The following SH3PXD2A variants were observed in gnomAD, a reference collection of about 807,000 sequenced individuals.
The protein encoded by SH3PXD2A is SH3 and PX domains 2A.
A neutral mutation model predicts 115.2 loss-of-function variants in SH3PXD2A; 32 were observed. That is an observed-to-expected ratio of 0.28 (90% CI 0.21 to 0.37). SH3PXD2A has a LOEUF of 0.37. Among genes scored for constraint, SH3PXD2A ranks in the 10% least tolerant of loss-of-function variants. The pLI, the probability that SH3PXD2A is intolerant of heterozygous loss-of-function variation, is 1.00. For synonymous variants in SH3PXD2A, 610 were observed against 629.1 expected (o/e 0.97, Z 0.45); for missense variants, 1,328 against 1,498.7 (o/e 0.89, Z 1.88).
chr10:103,696,169 G>A (rs2037821986), intron 5 of SH3PXD2A, among the ~76,000 whole-genome samples: 1 of 152,226 alleles, frequency 6.6e-6, no homozygotes. Flanking sequence ...GTGACTGAAT[G>A]GTGGGAACGA....
At chr10:103,804,882 A>T (rs913736169) in intron 1 of SH3PXD2A, among the ~76,000 whole-genome samples, 2 of 151,352 alleles carry the variant, frequency 1.3e-5, no homozygotes, top group Non-Finnish European at 1.5e-5. Context: ...CCCCCTGCTG[A>T]CTCCTAGCTC....
chr10:103,661,920 T>C, intron 7 of SH3PXD2A: 1 of 984,700 alleles, frequency 1.0e-6, no homozygotes, highest in African/African-American at 1.8e-5. Context: ...CCCGCCAACT[T>C]TTCCTCAAGT....
intron 6 of SH3PXD2A, among the ~76,000 whole-genome samples, chr10:103,682,680 C>CT (rs1437267744): frequency 6.6e-6 from 1 of 151,876 alleles, no homozygotes; most frequent in Non-Finnish European, 1.5e-5. Context: ...TTGCTTGAAC[C>CT]TGGGAGGCAG....
chr10:103,719,324 A>C (rs967993645), intron 5 of SH3PXD2A, among the ~76,000 whole-genome samples: 1 of 152,228 alleles, frequency 6.6e-6, no homozygotes, highest in Non-Finnish European at 1.5e-5. Context: ...CTGTGGTTAG[A>C]ACCGTAGGTC....
At chr10:103,608,150 T>TTAAA (rs2036356171) in intron 13 of SH3PXD2A, among the ~76,000 whole-genome samples, 1 of 32,670 alleles carries the variant, frequency 3.1e-5, no homozygotes, top group Non-Finnish European at 4.5e-5. Context: ...ATGATCAATT[T>TTAAA]AAAAAAAAAA....
rs1016832441 is a variant in SH3PXD2A, at chr10:103,597,818, G to A, written c.*3998C>T. 6 of 152,602 alleles carry A rather than the reference G, an allele frequency of 3.9e-5. No individual in the cohort carries two copies. Among genetic ancestry groups the A allele is most frequent in the Non-Finnish European group, 8.8e-5 (6 of 68,044 alleles). 9.5% of individuals were successfully genotyped at this position (152,602 alleles called of 1,614,324 possible). On this transcript the variant is annotated 3_prime_UTR_variant, in exon 15 of 15. Coordinates refer to ENST00000369774, the MANE Select transcript of SH3PXD2A (RefSeq NM_001394015.1). ...AGAATGCAAGGTATTTGGAGGGGTA[G>A]GGGAAGTGAGTAACCTTAAAGAAAT...
intron 6 of SH3PXD2A, among the ~76,000 whole-genome samples, chr10:103,689,047 T>A (rs1442273460): frequency 6.6e-6 from 1 of 152,104 alleles, no homozygotes; most frequent in East Asian, 1.9e-4. Flanking sequence ...ATTATTTTTA[T>A]TTTTTTGGTA....
intron 8 of SH3PXD2A, among the ~76,000 whole-genome samples, chr10:103,643,992 G>A (rs1398967817): frequency 6.6e-6 from 1 of 151,922 alleles, no homozygotes; most frequent in Admixed American, 6.6e-5. Context: ...GCCTCCACCT[G>A]TAGTCCCAGC....
At position 103,797,653 on chromosome 10, in the gene SH3PXD2A, T is replaced by A. The variant is rs1023016551; in HGVS notation, c.153+3629A>T. 7.1e-5 allele frequency among the ~76,000 whole-genome samples: 10 copies of A among 141,042 alleles called. No homozygotes were observed. In the Middle Eastern group the frequency reaches 0.011, roughly 156 times the overall value. 92.5% of individuals were successfully genotyped at this position (141,042 alleles called of 152,430 possible). On this transcript the variant is annotated intron_variant, in intron 2 of 14. Transcript: ENST00000369774. Reference sequence around the variant, plus strand: ...GGGCTTCACATGCAGGGCAGTTAGGTCCAGGCAGGAGCTTTGAAGATAATA... The same window carrying A: ...GGGCTTCACATGCAGGGCAGTTAGGACCAGGCAGGAGCTTTGAAGATAATA...
intron 1 of SH3PXD2A, among the ~76,000 whole-genome samples, chr10:103,836,682 T>TACACAC (rs55855121): frequency 0.47 from 69,659 of 148,628 alleles, 16,800 homozygotes; most frequent in Non-Finnish European, 0.54. Context: ...CACAGACATG[T>TACACAC]ACACACACAC....
At chr10:103,636,465 CAGAG>C (rs1270213255) in intron 8 of SH3PXD2A, among the ~76,000 whole-genome samples, 5 of 150,658 alleles carry the variant, frequency 3.3e-5, no homozygotes, top group Non-Finnish European at 5.9e-5. Context: ...TTGACATACA[CAGAG>C]AGACAGAGGG....
intron 6 of SH3PXD2A, among the ~76,000 whole-genome samples, chr10:103,680,733 A>G (rs2134104286): frequency 6.6e-6 from 1 of 152,250 alleles, no homozygotes; most frequent in East Asian, 1.9e-4. Flanking sequence ...GGCAAGGCAG[A>G]AAGAAGAGAG....
intron 3 of SH3PXD2A, among the ~76,000 whole-genome samples, chr10:103,743,978 T>G (rs2038471880): frequency 6.6e-6 from 1 of 152,150 alleles, no homozygotes; most frequent in African/African-American, 2.4e-5. Context: ...GAACTGGATG[T>G]AATGGGCAGG....
Position 103,855,352 on chromosome 10 carries a change from C to G in SH3PXD2A, c.-86G>C. Reference sequence around the variant, plus strand: ...CGGCTCCTTCTCCAGCTGCCGGGGTCCCGGGGCCGCCCGCCACCCCGGCCC... The same window carrying G: ...CGGCTCCTTCTCCAGCTGCCGGGGTGCCGGGGCCGCCCGCCACCCCGGCCC... On this transcript the variant is annotated 5_prime_UTR_variant, in exon 1 of 15. Transcript: ENST00000369774. 1 of 1,006,692 alleles carries G rather than the reference C, an allele frequency of 9.9e-7. No individual in the cohort carries two copies. Among genetic ancestry groups the G allele is most frequent in the Non-Finnish European group, 1.4e-6 (1 of 725,722 alleles). The allele number at this position is 1,006,692 out of a possible 1,614,324, so 62.4% of individuals were successfully genotyped here.
chr10:103,648,385 A>C (rs1460205743), intron 8 of SH3PXD2A, among the ~76,000 whole-genome samples: 3 of 152,148 alleles, frequency 2.0e-5, no homozygotes, highest in South Asian at 4.1e-4. Context: ...GGAAAACTGC[A>C]TTCTTCCCCA....
In SH3PXD2A at chr10:103,613,304, C is replaced by T. The variant is rs568788032; in HGVS notation, c.921-114G>A. 5.0e-5 allele frequency: 38 copies of T among 758,588 alleles called. No individual in the cohort carries two copies. In the South Asian group the frequency reaches 7.3e-4, roughly 15 times the overall value. 47.0% of individuals were successfully genotyped at this position (758,588 alleles called of 1,614,324 possible). A position where few individuals can be genotyped will look rare whatever the true frequency, so the allele number is the denominator to read the frequency against. Reference sequence around the variant, plus strand: ...GTGGAGCCTTCCCTACCATGTTCTGCAAGGCTTGGCAATCCCACTACTCTG... The same window carrying T: ...GTGGAGCCTTCCCTACCATGTTCTGTAAGGCTTGGCAATCCCACTACTCTG... On this transcript the variant is annotated intron_variant, in intron 11 of 14. Coordinates refer to ENST00000369774, the MANE Select transcript of SH3PXD2A (RefSeq NM_001394015.1).
intron 8 of SH3PXD2A, among the ~76,000 whole-genome samples, chr10:103,635,176 G>A (rs2036845375): frequency 6.6e-6 from 1 of 152,210 alleles, no homozygotes; most frequent in African/African-American, 2.4e-5. Context: ...GAAGGAAGTG[G>A]ACTGAGAAAG....
intron 6 of SH3PXD2A, among the ~76,000 whole-genome samples, chr10:103,669,241 A>G (rs2037426254): frequency 6.6e-6 from 1 of 152,188 alleles, no homozygotes. Context: ...CGTTTTAGGG[A>G]GTCTTGCTCC....
At chr10:103,716,846 C>A (rs2038110774) in intron 5 of SH3PXD2A, among the ~76,000 whole-genome samples, 2 of 152,246 alleles carry the variant, frequency 1.3e-5, no homozygotes, top group African/African-American at 2.4e-5. Context: ...AGCCCTGAGG[C>A]TGCAAAGGCA....
Sources: gnomAD v4.1 joint callset for allele counts (sites outside exome capture counted in the v4.1 genomes callset) on GRCh38, gnomAD v4.1.1 for gene constraint, MANE v1.5 for transcripts, NCBI Gene and HGNC (gene_info 2026-07-23, HGNC 2026-07-21) for gene names.